N4BP2L1: variants seen among roughly 807,000 people sequenced by gnomAD.
N4BP2L1 encodes the protein NEDD4-binding protein 2-like 1.
A neutral mutation model predicts 21.2 loss-of-function variants in N4BP2L1; 12 were observed. That is an observed-to-expected ratio of 0.57 (90% CI 0.36 to 0.92). The LOEUF (loss-of-function observed/expected upper bound fraction) is 0.92. Among genes scored for constraint, N4BP2L1 ranks in the 40% least tolerant of loss-of-function variants. The probability of loss-of-function intolerance (pLI) is 0.01; values close to 1 mark genes in which losing one functional copy is unlikely to be tolerated. For missense variants in N4BP2L1, 259 were observed against 310.6 expected, an observed-to-expected ratio of 0.83 and a Z score of 1.25; for synonymous variants, 104 against 112.8, an observed-to-expected ratio of 0.92 and a Z score of 0.49.
rs1353772869 is a variant in N4BP2L1, at chr13:32,407,280, G to A, written c.366C>T (p.His122=). 9.3e-6 allele frequency: 15 copies of A among 1,614,148 alleles called. No individual in the cohort carries two copies. Among genetic ancestry groups the A allele is most frequent in the East Asian group, 2.2e-5 (1 of 44,870 alleles). ...CTGCATAGGGCTTCATTTCCCAGGC[G>A]TGGAGGTTGGTATTATCAATAATAA... ...SPIIIDNTNL[H]AWEMKPYAVM... The change falls in exon 3 of 5, where the codon CAC becomes CAT. Residue 122 remains histidine, a synonymous_variant. Transcript: ENST00000380130.
chr13:32,412,647 A>C (rs1177892955), intron 1 of N4BP2L1, among the ~76,000 whole-genome samples: 1 of 151,980 alleles, frequency 6.6e-6, no homozygotes, highest in Non-Finnish European at 1.5e-5. Flanking sequence ...GTCTCAAAAA[A>C]AAAAAAAAAA....
chr13:32,409,970 A>G (rs1467966397), intron 1 of N4BP2L1, among the ~76,000 whole-genome samples: 1 of 152,270 alleles, frequency 6.6e-6, no homozygotes, highest in Non-Finnish European at 1.5e-5. Flanking sequence ...GATCAAATAC[A>G]TACAAGGTCC....
chr13:32,416,593 C>G (rs1176065381), intron 1 of N4BP2L1: 2 of 152,146 alleles, frequency 1.3e-5, no homozygotes, highest in African/African-American at 2.4e-5. Context: ...CAGAGCAGAG[C>G]AGATGCTAAA....
At chr13:32,404,464 C>T (rs2073350048) in intron 3 of N4BP2L1, 67 bp from the exon 4 acceptor site, 1 of 1,075,230 alleles carries the variant, frequency 9.3e-7, no homozygotes, top group Admixed American at 2.1e-5. Flanking sequence ...TTTATGCTGC[C>T]ATTTAACATT....
chr13:32,423,642 C>A (rs1057379880), intron 1 of N4BP2L1, among the ~76,000 whole-genome samples: 3 of 152,050 alleles, frequency 2.0e-5, no homozygotes, highest in South Asian at 2.1e-4. Context: ...CATGGATGAA[C>A]CTTGAAAACA....
intron 4 of N4BP2L1, 153 bp downstream of exon 4, chr13:32,404,165 CATT>C (rs775057878): frequency 6.2e-7 from 1 of 1,611,690 alleles, no homozygotes; most frequent in Non-Finnish European, 8.5e-7. Context: ...AAAGTCTTCA[CATT>C]AATAATTCCA....
chr13:32,417,319 C>T (rs143757388), intron 1 of N4BP2L1, among the ~76,000 whole-genome samples: 1 of 152,144 alleles, frequency 6.6e-6, no homozygotes, highest in African/African-American at 2.4e-5. Context: ...TGAATCATGG[C>T]AATGGTTACC....
chr13:32,414,561 C>T lies in N4BP2L1; in HGVS notation c.180-6789G>A, dbSNP rs190395820. The stretch of plus-strand genomic sequence containing the variant: ...TAATCTCTAAAAGTCTAAATTTTAG[C>T]GGGGTGCAGTGGCTTTCTTTTCTTC... On this transcript the variant is annotated intron_variant, in intron 1 of 4. Transcript: ENST00000380130. Among the ~76,000 whole-genome samples the T allele has an allele frequency of 8.5e-5, 13 of 152,066 alleles. No homozygotes were observed. In the East Asian group the frequency reaches 1.2e-3, roughly 14 times the overall value.
rs1174141577 is a variant in N4BP2L1 at position 32,409,019 on chromosome 13, C to T, written c.180-1247G>A. ...CTGAAATGAGGCCAGTATGAAAAAA[C>T]ATTTTGTACCCAGTAAGGCACTTTA... On this transcript the variant is annotated intron_variant, in intron 1 of 4. Transcript: ENST00000380130. Among the ~76,000 whole-genome samples the T allele has an allele frequency of 3.9e-5, 6 of 152,164 alleles. No individual in the cohort carries two copies. The South Asian group carries it at 6.2e-4, about 16-fold the overall frequency.
chr13:32,414,228 A>G (rs2074011377), intron 1 of N4BP2L1, among the ~76,000 whole-genome samples: 1 of 152,156 alleles, frequency 6.6e-6, no homozygotes, highest in Admixed American at 6.5e-5. Flanking sequence ...CTTATAAAAT[A>G]TTCTTCTATG....
chr13:32,419,411 A>AATTTT, intron 1 of N4BP2L1: 1 of 265,010 alleles, frequency 3.8e-6, no homozygotes, highest in South Asian at 2.3e-5. Flanking sequence ...ATGCTTGGCT[A>AATTTT]ATTTTTTTTT....
At position 32,407,502 on chromosome 13, in the gene N4BP2L1, G is replaced by C. The variant is rs772327215; in HGVS notation, c.307+143C>G. On this transcript the variant is annotated intron_variant, in intron 2 of 4. Coordinates refer to ENST00000380130, the MANE Select transcript of N4BP2L1 (RefSeq NM_052818.3). ...ATTTTCTTTCTCTGGAATCTAAGGA[G>C]GTTATGCTCTGGTGTTCTGTTTTGG... 4 of 1,583,284 alleles carry C rather than the reference G, an allele frequency of 2.5e-6. No individual in the cohort carries two copies. In the South Asian group the frequency reaches 3.4e-5, roughly 13 times the overall value.
At chr13:32,426,373 C>T (rs1210856484) in intron 1 of N4BP2L1, among the ~76,000 whole-genome samples, 1 of 152,142 alleles carries the variant, frequency 6.6e-6, no homozygotes, top group Non-Finnish European at 1.5e-5. Flanking sequence ...AAATAACCAA[C>T]TGCTGAGTTC....
intron 1 of N4BP2L1, among the ~76,000 whole-genome samples, chr13:32,417,074 CA>C (rs1186197386): frequency 1.3e-5 from 2 of 152,190 alleles, no homozygotes; most frequent in African/African-American, 2.4e-5. Flanking sequence ...CTTGGCCTCC[CA>C]AAGTACTGGG....
chr13:32,413,051 G>A (rs2073947228), intron 1 of N4BP2L1, among the ~76,000 whole-genome samples: 1 of 152,022 alleles, frequency 6.6e-6, no homozygotes, highest in African/African-American at 2.4e-5. Flanking sequence ...AGCCTCCCAA[G>A]AAGCTGGGAT....
intron 1 of N4BP2L1, among the ~76,000 whole-genome samples, chr13:32,419,984 C>T (rs919269191): frequency 3.3e-5 from 5 of 152,214 alleles, no homozygotes; most frequent in South Asian, 2.1e-4. Context: ...CAGGTGTGGC[C>T]GAACCTGGGC....
At chr13:32,417,648 A>G (rs2074225214) in intron 1 of N4BP2L1, among the ~76,000 whole-genome samples, 1 of 152,192 alleles carries the variant, frequency 6.6e-6, no homozygotes, top group Admixed American at 6.5e-5. Flanking sequence ...GAACTGGGTA[A>G]CAGGCAGAGA....
At chr13:32,428,256 C>G (rs1397646749), upstream of N4BP2L1, 9 of 527,654 alleles carry the variant, frequency 1.7e-5, no homozygotes, top group Admixed American at 4.2e-5. Context: ...GGGGGCGTCC[C>G]TACCTGGAAA....
intron 3 of N4BP2L1, among the ~76,000 whole-genome samples, chr13:32,404,938 A>C (rs1408210706): frequency 6.6e-6 from 1 of 152,152 alleles, no homozygotes; most frequent in Non-Finnish European, 1.5e-5. Context: ...TTGAGTTTAG[A>C]AAACTATTAT....
Sources: gnomAD v4.1 joint callset for allele counts (sites outside exome capture counted in the v4.1 genomes callset) on GRCh38, gnomAD v4.1.1 for gene constraint, MANE v1.5 for transcripts, NCBI Gene and HGNC (gene_info 2026-07-23, HGNC 2026-07-21) for gene names.